Variants in SYNE2 observed in about 807,000 individuals in gnomAD.
SYNE2 encodes nesprin-2.
A neutral mutation model predicts 856.3 loss-of-function variants in SYNE2; 431 were observed. The ratio of observed to expected loss-of-function variants is 0.50; its 90% CI spans 0.47 to 0.55. The LOEUF is 0.55. Ranked by LOEUF, SYNE2 falls within the 20% of genes least tolerant of loss-of-function variation. The pLI is 0.00. For synonymous variants in SYNE2, 2,923 were observed against 2,872.3 expected, an observed-to-expected ratio of 1.02 and a Z score of -0.56; for missense variants, 8,129 against 8,023.2, an observed-to-expected ratio of 1.01 and a Z score of -0.50.
At chr14:63,876,632 C>T (rs1479029653) in intron 1 of SYNE2, among the ~76,000 whole-genome samples, 3 of 151,832 alleles carry the variant, frequency 2.0e-5, no homozygotes, top group African/African-American at 7.3e-5. Context: ...GGACTACAGG[C>T]GCCCACCACC....
At chr14:63,984,130 C>A (rs1243116570) in intron 18 of SYNE2, among the ~76,000 whole-genome samples, 2 of 152,074 alleles carry the variant, frequency 1.3e-5, no homozygotes, top group Admixed American at 6.5e-5. Flanking sequence ...GTGGTTCTAG[C>A]TACTTGGCAG....
At position 64,051,849 on chromosome 14, in the gene SYNE2, C is replaced by G. The variant is rs1220820204; in HGVS notation, c.7936C>G (p.Gln2646Glu). The G allele has an allele frequency of 6.2e-7, 1 of 1,614,076 alleles. No individual in the cohort carries two copies. The highest frequency in any genetic ancestry group is 8.5e-7 in the Non-Finnish European group (1 of 1,180,026). The change falls in exon 48 of 116, where the codon CAG becomes GAG. Residue 2646 changes from glutamine (Q) to glutamate (E), a missense_variant. Transcript: ENST00000555002. ...QDTEISLQQQ[Q>E]QHLQLRLKSP... The stretch of plus-strand genomic sequence containing the variant: ...CACTGAGATTTCTCTGCAACAGCAG[C>G]AGCAACATCTACAGTTAAGGCTGAA...
In SYNE2 at chr14:64,090,231, C is replaced by G. The variant is rs556794125; in HGVS notation, c.11793+535C>G. Among the ~76,000 whole-genome samples the G allele has an allele frequency of 5.9e-5, 9 of 152,290 alleles. No individual in the cohort carries two copies. In the East Asian group the frequency reaches 1.7e-3, roughly 29 times the overall value. On this transcript the variant is annotated intron_variant, in intron 59 of 115. Coordinates refer to ENST00000555002, the MANE Select transcript of SYNE2 (RefSeq NM_182914.3). ...TCTTACAGACTAAGCTTACCTGGAT[C>G]TTCTAACTTCTGTGAGCCCAATTTC...
rs1387280167 is a variant in SYNE2 at position 64,026,632 on chromosome 14, G to A, written c.6306G>A (p.Lys2102=). The part of the protein sequence containing the change: ...EGDARIETIM[K]QAESSEAPLV... ...ATGCCAGAATAGAGACCATCATGAAGCAGGCTGAGAGCAGCGAGGCCCCGC... is the reference window on the plus strand; with the variant it reads ...ATGCCAGAATAGAGACCATCATGAAACAGGCTGAGAGCAGCGAGGCCCCGC... Residue 2102 remains lysine, a synonymous_variant, in exon 42 of 116, where the codon AAG becomes AAA. Coordinates refer to ENST00000555002, the MANE Select transcript of SYNE2 (RefSeq NM_182914.3). The A allele has an allele frequency of 1.2e-6, 2 of 1,613,804 alleles. No individual in the cohort carries two copies. Among genetic ancestry groups the A allele is most frequent in the Non-Finnish European group, 1.7e-6 (2 of 1,179,844 alleles).
rs557722189 is a variant in SYNE2, at chr14:64,121,948, A to C, written c.13159-64A>C. The C allele has an allele frequency of 9.7e-5, 155 of 1,604,072 alleles. No homozygotes were observed. In the Admixed American group the frequency reaches 9.7e-4, roughly 10 times the overall value. The stretch of plus-strand genomic sequence containing the variant: ...AAAATTAGATTTATCTCAGCAGAGG[A>C]AACTAGTGGGTACTAATCGAAAAGC... On this transcript the variant is annotated intron_variant, in intron 68 of 115. Transcript: ENST00000555002.
At chr14:63,991,482 A>ACTT (rs1486550058) in intron 21 of SYNE2, among the ~76,000 whole-genome samples, 1 of 152,228 alleles carries the variant, frequency 6.6e-6, no homozygotes, top group East Asian at 1.9e-4. Flanking sequence ...AAAATAAGGT[A>ACTT]CGTGAAGTTA....
chr14:63,824,625 C>T (rs1419018115), intron 1 of SYNE2, among the ~76,000 whole-genome samples: 3 of 123,922 alleles, frequency 2.4e-5, no homozygotes, highest in African/African-American at 6.0e-5. Flanking sequence ...GGTGACAGAG[C>T]GAGAATCTGT....
chr14:63,973,081 C>T (rs572530449), intron 11 of SYNE2, among the ~76,000 whole-genome samples: 3 of 151,864 alleles, frequency 2.0e-5, no homozygotes, highest in African/African-American at 7.2e-5. Flanking sequence ...CATGGCACAT[C>T]CCTGTCTCTA....
At chr14:63,888,325 G>A (rs929872040) in intron 1 of SYNE2, among the ~76,000 whole-genome samples, 1 of 152,100 alleles carries the variant, frequency 6.6e-6, no homozygotes, top group African/African-American at 2.4e-5. Context: ...AGGCCTGGGT[G>A]GGGGGCACCG....
intron 19 of SYNE2, among the ~76,000 whole-genome samples, chr14:63,988,958 C>G (rs1204611611): frequency 6.6e-6 from 1 of 152,156 alleles, no homozygotes; most frequent in Non-Finnish European, 1.5e-5. Context: ...TATCACCATG[C>G]CACTGTGAGT....
At chr14:64,121,764 T>A (rs1264265071) in intron 68 of SYNE2, among the ~76,000 whole-genome samples, 1 of 152,238 alleles carries the variant, frequency 6.6e-6, no homozygotes, top group Admixed American at 6.5e-5. Flanking sequence ...TTGCCTGTCT[T>A]TTCAAAATGT....
chr14:63,857,398 T>C (rs1259418980), intron 1 of SYNE2, among the ~76,000 whole-genome samples: 1 of 152,226 alleles, frequency 6.6e-6, no homozygotes, highest in Non-Finnish European at 1.5e-5. Context: ...TTTAGGTTGT[T>C]TCTGGTTTTG....
intron 96 of SYNE2, among the ~76,000 whole-genome samples, chr14:64,182,753 C>T (rs1401419548): frequency 1.3e-5 from 2 of 152,220 alleles, no homozygotes; most frequent in African/African-American, 2.4e-5. Flanking sequence ...TTTCTTAGTA[C>T]AGAACAAAAT....
At chr14:63,767,517 C>A (rs1219579671) in intron 1 of SYNE2, among the ~76,000 whole-genome samples, 1 of 152,098 alleles carries the variant, frequency 6.6e-6, no homozygotes, top group Admixed American at 6.6e-5. Context: ...TAGAGAATTT[C>A]ATATAAAAAT....
intron 65 of SYNE2, among the ~76,000 whole-genome samples, chr14:64,109,742 C>T (rs530826423): frequency 4.7e-4 from 72 of 152,298 alleles, no homozygotes; most frequent in Admixed American, 1.8e-3. Flanking sequence ...CTCTTGGTGA[C>T]TGTCTTCCTG....
upstream of SYNE2, among the ~76,000 whole-genome samples, chr14:63,851,003 C>T (rs559543933): frequency 2.7e-4 from 41 of 152,310 alleles, no homozygotes; most frequent in African/African-American, 9.4e-4. Context: ...TAGAGCCCAA[C>T]TTCTCCCTAA....
chr14:64,202,214 C>T (rs774044285), intron 99 of SYNE2: 5 of 702,220 alleles, frequency 7.1e-6, no homozygotes, highest in Admixed American at 2.0e-5. Context: ...ATAATCTACC[C>T]GCATGGGCTG....
intron 85 of SYNE2, among the ~76,000 whole-genome samples, chr14:64,154,619 C>T (rs1222562509): frequency 2.0e-5 from 3 of 151,744 alleles, no homozygotes; most frequent in Non-Finnish European, 2.9e-5. Context: ...ATGGCAAAAC[C>T]CTATCTCTAC....
intron 61 of SYNE2, among the ~76,000 whole-genome samples, chr14:64,094,837 G>A (rs2097663140): frequency 6.6e-6 from 1 of 152,044 alleles, no homozygotes; most frequent in Admixed American, 6.5e-5. Context: ...TAGTTTTTAA[G>A]CAACAATAAT....
Sources: allele counts gnomAD v4.1 joint callset (sites outside exome capture counted in the v4.1 genomes callset), GRCh38; gene constraint gnomAD v4.1.1; transcripts MANE v1.5; gene names NCBI Gene and HGNC (gene_info 2026-07-23, HGNC 2026-07-21).